COL3A1: variants seen among roughly 807,000 people sequenced by gnomAD.
COL3A1 encodes the protein collagen type III alpha 1 chain, also known as collagen alpha-1(III) chain.
COL3A1 carries 46 observed loss-of-function variants against 200.9 expected under a neutral mutation model. That is an observed-to-expected ratio of 0.23 (90% confidence interval 0.18 to 0.29). The LOEUF (loss-of-function observed/expected upper bound fraction) is 0.29. Ranked by LOEUF, COL3A1 falls within the 10% of genes least tolerant of loss-of-function variation. The probability of loss-of-function intolerance (pLI) is 1.00; values close to 1 mark genes in which losing one functional copy is unlikely to be tolerated. For missense variants in COL3A1, 1,367 were observed against 1,917.6 expected (o/e 0.71, Z 5.36); for synonymous variants, 650 against 628.0 (o/e 1.03, Z -0.52).
chr2:189,006,888 A>G (rs757883124), intron 43 of COL3A1, 49 bp from the exon 44 acceptor site: 1 of 1,589,356 alleles, frequency 6.3e-7, no homozygotes, highest in East Asian at 2.2e-5. Context: ...GTGTCAACAC[A>G]TAAAACTAGT....
chr2:188,994,830 G>T lies in COL3A1; in HGVS notation c.1454G>T (p.Arg485Met). 1 of 1,613,226 alleles carries T rather than the reference G, an allele frequency of 6.2e-7. No homozygotes were observed. Among genetic ancestry groups the T allele is most frequent in the Non-Finnish European group, 8.5e-7 (1 of 1,179,904 alleles). ...GGGCTTCCAGGAGCTGCAGGAGAAA[G>T]GGTACGTTTTCCATGGGGCATCTAA... ...ANGLPGAAGE[R>M]GAPGFRGPAG... is the part of the protein sequence containing the mutation. Residue 485 changes from arginine to methionine, a missense_variant and splice_region_variant, in exon 20 of 51, where the codon AGG becomes ATG. This residue lies in a region of COL3A1 where 462 missense variants were observed against 681.4 expected (regional missense o/e 0.68). Coordinates refer to ENST00000304636, the MANE Select transcript of COL3A1 (RefSeq NM_000090.4). This position sits in a 1 kb window ranked among gnomAD's most constrained non-coding sequence, Gnocchi z 4.5.
chr2:188,978,319 T>A (rs568578115), intron 1 of COL3A1, among the ~76,000 whole-genome samples: 1 of 152,124 alleles, frequency 6.6e-6, no homozygotes, highest in Non-Finnish European at 1.5e-5. Context: ...CAGGCTTCTT[T>A]TTAAAAATCA....
chr2:188,980,091 T>G (rs1687918078), intron 1 of COL3A1, among the ~76,000 whole-genome samples: 4 of 151,664 alleles, frequency 2.6e-5, no homozygotes. Context: ...ATTAAAGTAC[T>G]TAGTAACTTA....
intron 40 of COL3A1, 115 bp downstream of exon 40, chr2:189,004,479 T>A: frequency 1.0e-6 from 1 of 959,388 alleles, no homozygotes; most frequent in Middle Eastern, 3.3e-4. Flanking sequence ...AGCCAGGAGA[T>A]AATTTTTTTT....
At chr2:188,999,929 T>C (rs1217328230) in intron 32 of COL3A1, 34 bp downstream of exon 32, 1 of 1,566,794 alleles carries the variant, frequency 6.4e-7, no homozygotes, top group African/African-American at 1.3e-5. Flanking sequence ...GCAGGCCTTA[T>C]CTATATGTCA....
chr2:188,996,358 T>C, intron 23 of COL3A1, 40 bp from the exon 24 acceptor site: 3 of 1,523,882 alleles, frequency 2.0e-6, no homozygotes, highest in South Asian at 2.2e-5. Context: ...TTTAATCTTC[T>C]CTTTATCAAA....
intron 32 of COL3A1, among the ~76,000 whole-genome samples, chr2:189,000,381 T>C (rs901606056): frequency 6.6e-6 from 1 of 152,202 alleles, no homozygotes; most frequent in African/African-American, 2.4e-5. Flanking sequence ...AAGGGATACA[T>C]ACTGCATGAT....
At chr2:188,976,773 G>A (rs1687827547) in intron 1 of COL3A1, among the ~76,000 whole-genome samples, 1 of 152,146 alleles carries the variant, frequency 6.6e-6, no homozygotes, top group Admixed American at 6.6e-5. Flanking sequence ...TAATTCATGT[G>A]TTTTAATCCA....
rs552008203 is a variant in COL3A1, at chr2:188,981,407, C to G, written c.80-3353C>G. Among the ~76,000 whole-genome samples, 949 of 151,148 alleles carry G rather than the reference C, an allele frequency of 6.3e-3. 7 individuals carry two copies. The highest frequency in any genetic ancestry group is 0.01 in the Non-Finnish European group (678 of 67,440). On this transcript the variant is annotated intron_variant, in intron 1 of 50. Transcript: ENST00000304636. ...TACTTCGTAGTAAGGAACAGAAACA[C>G]CAAATGACATGGGAGATGGAATTTA... is the stretch of plus-strand genomic sequence containing the variant.
intron 26 of COL3A1, 108 bp downstream of exon 26, chr2:188,997,497 A>G: frequency 3.9e-6 from 5 of 1,291,836 alleles, no homozygotes; most frequent in African/African-American, 1.5e-5. Flanking sequence ...CAGTTTACCA[A>G]AGCAATGATG....
At chr2:189,010,553 G>A in intron 49 of COL3A1, 95 bp from the exon 50 acceptor site, 1 of 1,530,508 alleles carries the variant, frequency 6.5e-7, no homozygotes, top group Non-Finnish European at 9.0e-7. Context: ...TATATAAACA[G>A]CCCATATTAC....
At chr2:188,990,779 G>T (rs1355549295) in intron 10 of COL3A1, among the ~76,000 whole-genome samples, 2 of 152,052 alleles carry the variant, frequency 1.3e-5, no homozygotes, top group Non-Finnish European at 2.9e-5. Flanking sequence ...TATAGTTAAG[G>T]CAACTTTCTT....
intron 28 of COL3A1, 43 bp from the exon 29 acceptor site, chr2:188,998,631 T>C: frequency 6.3e-7 from 1 of 1,584,214 alleles, no homozygotes; most frequent in Non-Finnish European, 8.7e-7. Context: ...TTACATAAAA[T>C]GCACTCTGAT....
chr2:188,988,692 A>G lies in COL3A1; in HGVS notation c.636+49A>G, dbSNP rs767333683. The stretch of plus-strand genomic sequence containing the variant: ...TTAGTAAGTCGATAATTCCATATGG[A>G]ACCTACCTTTGTTTTCTAAAACAAG... On this transcript the variant is annotated intron_variant, in intron 7 of 50. Coordinates refer to ENST00000304636, the MANE Select transcript of COL3A1 (RefSeq NM_000090.4). 3 of 1,293,850 alleles carry G rather than the reference A, an allele frequency of 2.3e-6. No individual in the cohort carries two copies. The East Asian group carries it at 7.0e-5, about 30-fold the overall frequency. The allele number at this position is 1,293,850 out of a possible 1,614,324, so 80.1% of individuals were successfully genotyped here.
chr2:188,985,874 TTGTATC>T, intron 4 of COL3A1, 96 bp downstream of exon 4: 1 of 821,244 alleles, frequency 1.2e-6, no homozygotes, highest in South Asian at 1.4e-5. Flanking sequence ...TATGAGTTCT[TTGTATC>T]TGTTCTCTGA....
At position 188,980,254 on chromosome 2, in the gene COL3A1, G is replaced by T. The variant is rs190551540; in HGVS notation, c.80-4506G>T. ...TTTATTATATATGCAATTGCTGGTGGTTAGATATATGATACTTAAAATTTT... is the reference window on the plus strand; with the variant it reads ...TTTATTATATATGCAATTGCTGGTGTTTAGATATATGATACTTAAAATTTT... On this transcript the variant is annotated intron_variant, in intron 1 of 50. Transcript: ENST00000304636. Among the ~76,000 whole-genome samples, 3 of 151,126 alleles carry T rather than the reference G, an allele frequency of 2.0e-5. No homozygotes were observed. In the East Asian group the frequency reaches 5.8e-4, roughly 29 times the overall value.
chr2:188,987,234 A>G, intron 5 of COL3A1, 95 bp downstream of exon 5: 2 of 1,040,972 alleles, frequency 1.9e-6, no homozygotes, highest in Non-Finnish European at 3.0e-6. Context: ...CAGTATTTTT[A>G]TGGAATTGTA....
At chr2:188,987,302 TTCTA>T (rs1688083057) in intron 5 of COL3A1, among the ~76,000 whole-genome samples, 163 bp downstream of exon 5, 1 of 152,128 alleles carries the variant, frequency 6.6e-6, no homozygotes, top group African/African-American at 2.4e-5. Flanking sequence ...ATCATGTTCT[TTCTA>T]TCTTATTCAT....
intron 39 of COL3A1, 47 bp from the exon 40 acceptor site, chr2:189,004,210 A>G (rs764476727): frequency 3.7e-6 from 6 of 1,605,664 alleles, no homozygotes; most frequent in Non-Finnish European, 5.1e-6. Flanking sequence ...GATTAGAGAA[A>G]AACACTGTCA....
Sources: gnomAD v4.1 joint callset for allele counts (sites outside exome capture counted in the v4.1 genomes callset) on GRCh38, gnomAD v4.1.1 for gene constraint, gnomAD v4.1.1 regional missense constraint, Gnocchi (gnomAD v3.1) non-coding constraint, MANE v1.5 for transcripts, NCBI Gene and HGNC (gene_info 2026-07-23, HGNC 2026-07-21) for gene names.